TMEM132D: variants seen among roughly 807,000 people sequenced by gnomAD.
The protein encoded by TMEM132D is mature OL transmembrane protein.
In TMEM132D, 21 loss-of-function variants were observed where a neutral mutation model predicts 62.3. The ratio of observed to expected loss-of-function variants is 0.34; its 90% CI spans 0.24 to 0.49. The LOEUF (loss-of-function observed/expected upper bound fraction) is 0.49. Ranked by LOEUF, TMEM132D falls within the 20% of genes least tolerant of loss-of-function variation. The pLI, the probability that TMEM132D is intolerant of heterozygous loss-of-function variation, is 0.99. For missense variants in TMEM132D, 1,346 were observed against 1,402.8 expected (o/e 0.96, Z 0.65); for synonymous variants, 621 against 575.6 (o/e 1.08, Z -1.13).
intron 1 of TMEM132D, among the ~76,000 whole-genome samples, chr12:129,869,815 C>T (rs1223279422): frequency 6.6e-6 from 1 of 152,150 alleles, no homozygotes; most frequent in African/African-American, 2.4e-5. Context: ...GGTCATTGCA[C>T]AGTATCATAC....
At chr12:129,314,074 G>A (rs777677128) in intron 4 of TMEM132D, among the ~76,000 whole-genome samples, 9 of 152,006 alleles carry the variant, frequency 5.9e-5, no homozygotes, top group Non-Finnish European at 1.0e-4. Context: ...TTACTAATTT[G>A]TTTGAGTTTG....
intron 5 of TMEM132D, among the ~76,000 whole-genome samples, chr12:129,108,761 A>G (rs895515104): frequency 3.3e-5 from 5 of 152,210 alleles, no homozygotes; most frequent in African/African-American, 1.2e-4. Context: ...AGTTCTCAAT[A>G]TTTTGATTAA....
intron 3 of TMEM132D, among the ~76,000 whole-genome samples, chr12:129,379,239 A>G (rs1159354397): frequency 6.6e-6 from 1 of 152,190 alleles, no homozygotes; most frequent in Non-Finnish European, 1.5e-5. Flanking sequence ...ATGGGTGGTT[A>G]AATTACAGGC....
chr12:129,570,883 C>T (rs1197805663), intron 2 of TMEM132D, among the ~76,000 whole-genome samples: 1 of 152,166 alleles, frequency 6.6e-6, no homozygotes, highest in East Asian at 1.9e-4. Context: ...CGAGGAGATC[C>T]CTGAGACGGG....
intron 4 of TMEM132D, among the ~76,000 whole-genome samples, chr12:129,310,238 C>G (rs939476832): frequency 3.3e-5 from 5 of 152,116 alleles, no homozygotes. Context: ...GTGGCAGGAA[C>G]CAGGTCAGGA....
At chr12:129,664,902 T>C (rs658014) in intron 2 of TMEM132D, among the ~76,000 whole-genome samples, 115,303 of 151,938 alleles carry the variant, frequency 0.76, 44,177 homozygotes, top group East Asian at 0.85. Flanking sequence ...GTTGTATGTG[T>C]AGGACACTGT....
Position 129,903,310 on chromosome 12 carries a change from C to G in TMEM132D, c.30G>C (p.Trp10Cys), listed in dbSNP as rs1196691249. 1 of 1,554,254 alleles carries G rather than the reference C, an allele frequency of 6.4e-7. No individual in the cohort carries two copies. The highest frequency in any genetic ancestry group is 1.2e-5 in the South Asian group (1 of 84,206). Reference protein sequence around the residue: MCPSEMGTLWHHWSPVLISL... With the variant: MCPSEMGTLCHHWSPVLISL... ...TGATGAGTACCGGCGACCAGTGGTG[C>G]CACAGCGTCCCCATCTCAGACGGGC... The change falls in exon 1 of 9, where the codon TGG becomes TGC. Residue 10 changes from tryptophan (W) to cysteine (C), a missense_variant. By Grantham distance (215) the Trp-to-Cys change is radical. Coordinates refer to ENST00000422113, the MANE Select transcript of TMEM132D (RefSeq NM_133448.3). The surrounding 1 kb of genome is among the most constrained non-coding windows in gnomAD (Gnocchi z 6.2).
chr12:129,077,548 C>CACACACATACACACA (rs1472540796), intron 8 of TMEM132D, among the ~76,000 whole-genome samples: 1 of 152,116 alleles, frequency 6.6e-6, no homozygotes, highest in Admixed American at 6.5e-5. Flanking sequence ...ACACATGCAT[C>CACACACATACACACA]ACACACATAC....
intron 4 of TMEM132D, among the ~76,000 whole-genome samples, chr12:129,230,293 T>C (rs1261768739): frequency 6.8e-6 from 1 of 146,582 alleles, no homozygotes; most frequent in Non-Finnish European, 1.5e-5. Context: ...CTTCCTAAAC[T>C]CCTTCTGTGT....
At chr12:129,565,145 G>A (rs1402889976) in intron 2 of TMEM132D, among the ~76,000 whole-genome samples, 2 of 152,196 alleles carry the variant, frequency 1.3e-5, no homozygotes, top group Admixed American at 6.5e-5. Flanking sequence ...CCTTCCTGGG[G>A]TGGCAGCAAG....
chr12:129,517,700 T>G (rs770357625), intron 3 of TMEM132D, among the ~76,000 whole-genome samples: 2 of 152,330 alleles, frequency 1.3e-5, no homozygotes, highest in Non-Finnish European at 2.9e-5. Context: ...CCACATCTTC[T>G]CGTAAATCCT....
chr12:129,604,847 C>T (rs920413032), intron 2 of TMEM132D, among the ~76,000 whole-genome samples: 2 of 152,136 alleles, frequency 1.3e-5, no homozygotes, highest in Non-Finnish European at 2.9e-5. Flanking sequence ...AATTAAGACG[C>T]TATTAGCAGA....
chr12:129,649,804 GTGTGTGTA>G (rs1036897630), intron 2 of TMEM132D, among the ~76,000 whole-genome samples: 29 of 151,530 alleles, frequency 1.9e-4, no homozygotes, highest in African/African-American at 6.8e-4. Context: ...GTGCGTATGT[GTGTGTGTA>G]TGTGTGTATA....
At chr12:129,299,052 T>A (rs1881643773) in intron 4 of TMEM132D, among the ~76,000 whole-genome samples, 1 of 152,164 alleles carries the variant, frequency 6.6e-6, no homozygotes, top group South Asian at 2.1e-4. Context: ...GCCAAGCGCT[T>A]CAGAAGGAAG....
Position 129,694,964 on chromosome 12 carries a change from C to T in TMEM132D, c.968+4846G>A, listed in dbSNP as rs780543540. Among the ~76,000 whole-genome samples, 331 of 152,150 alleles carry T rather than the reference C, an allele frequency of 2.2e-3. 4 individuals carry two copies. The highest frequency in any genetic ancestry group is 1.5e-3 in the Non-Finnish European group (104 of 68,036). ...CAGAGGTTGCAGTGAGCCGAGACCA[C>T]GCCATTGCACTCCACCCTGGGTGAC... On this transcript the variant is annotated intron_variant, in intron 2 of 8. Transcript: ENST00000422113.
chr12:129,654,214 G>A (rs1337330861), intron 2 of TMEM132D, among the ~76,000 whole-genome samples: 1 of 152,070 alleles, frequency 6.6e-6, no homozygotes, highest in Non-Finnish European at 1.5e-5. Flanking sequence ...CTTGGCTCCT[G>A]TGTCTCTCAG....
intron 3 of TMEM132D, among the ~76,000 whole-genome samples, chr12:129,377,060 A>C (rs962591651): frequency 2.0e-5 from 3 of 152,208 alleles, no homozygotes; most frequent in African/African-American, 7.2e-5. Context: ...CTGTTTTAGC[A>C]AACAAACTCT....
At chr12:129,838,189 G>C (rs1432754501) in intron 1 of TMEM132D, among the ~76,000 whole-genome samples, 1 of 152,210 alleles carries the variant, frequency 6.6e-6, no homozygotes, top group African/African-American at 2.4e-5. Context: ...AAAAGCCACA[G>C]GTGAGCTGCT....
Position 129,384,060 on chromosome 12 carries a change from A to G in TMEM132D, c.1116-46243T>C, listed in dbSNP as rs1037660477. 3.5e-4 allele frequency among the ~76,000 whole-genome samples: 54 copies of G among 152,198 alleles called. 1 individual carries two copies. The highest frequency in any genetic ancestry group is 7.3e-5 in the Non-Finnish European group (5 of 68,032). On this transcript the variant is annotated intron_variant, in intron 3 of 8. Transcript: ENST00000422113. ...CTGAATTGCCGAAAATACATAACAC[A>G]TCGTAAAAAAAGATCTGAGAAATGC...
Sources: gnomAD v4.1 joint callset for allele counts (sites outside exome capture counted in the v4.1 genomes callset) on GRCh38, gnomAD v4.1.1 for gene constraint, Gnocchi (gnomAD v3.1) non-coding constraint, MANE v1.5 for transcripts, NCBI Gene and HGNC (gene_info 2026-07-23, HGNC 2026-07-21) for gene names.